CNTN1: variants seen among roughly 807,000 people sequenced by gnomAD.
CNTN1 encodes the protein contactin 1, also known as contactin-1.
In CNTN1, 38 loss-of-function variants were observed where a neutral mutation model predicts 126.4. That is an observed-to-expected ratio of 0.30 (90% CI 0.23 to 0.39). CNTN1 has a LOEUF of 0.39. Ranked by LOEUF, CNTN1 falls within the 10% of genes least tolerant of loss-of-function variation. CNTN1 has a pLI of 1.00. For synonymous variants in CNTN1, 413 were observed against 422.6 expected (o/e 0.98, Z 0.28); for missense variants, 1,009 against 1,248.4 (o/e 0.81, Z 2.89).
At chr12:41,007,723 T>G (rs1478663916) in intron 17 of CNTN1, among the ~76,000 whole-genome samples, 1 of 152,206 alleles carries the variant, frequency 6.6e-6, no homozygotes, top group Non-Finnish European at 1.5e-5. Flanking sequence ...ACTCTAATGT[T>G]AGCATGCAAA....
chr12:41,036,440 C>G (rs1354408863), intron 23 of CNTN1, among the ~76,000 whole-genome samples: 1 of 152,020 alleles, frequency 6.6e-6, no homozygotes, highest in East Asian at 1.9e-4. Context: ...CAAATGTGGA[C>G]TTTTTAGGAA....
intron 23 of CNTN1, among the ~76,000 whole-genome samples, chr12:41,055,995 C>T (rs895559070): frequency 4.6e-5 from 7 of 152,036 alleles, no homozygotes; most frequent in Admixed American, 2.0e-4. Context: ...TGATTCCTCC[C>T]GGCTTGGATT....
At chr12:40,794,409 C>G (rs17541461) in intron 1 of CNTN1, among the ~76,000 whole-genome samples, 1 of 151,036 alleles carries the variant, frequency 6.6e-6, no homozygotes, top group South Asian at 2.1e-4. Flanking sequence ...GTTTTATAGC[C>G]TGCCCCTTGA....
At chr12:41,025,034 A>G in intron 20 of CNTN1, 116 bp from the exon 21 acceptor site, 1 of 1,014,330 alleles carries the variant, frequency 9.9e-7, no homozygotes, top group Non-Finnish European at 1.5e-6. Flanking sequence ...ATTAAGAAAC[A>G]TTTGAAAATA....
chr12:40,961,961 T>TTTTTTTTTTTTTTTTTTTTTTTTTTTG (rs1566045196), intron 15 of CNTN1, among the ~76,000 whole-genome samples: 1 of 152,134 alleles, frequency 6.6e-6, no homozygotes, highest in African/African-American at 2.4e-5. Flanking sequence ...GGACTAATTT[T>TTTTTTTTTTTTTTTTTTTTTTTTTTTG]AATCCATATT....
chr12:40,980,040 ATAAC>A (rs1382861128), intron 15 of CNTN1, among the ~76,000 whole-genome samples: 4 of 152,296 alleles, frequency 2.6e-5, no homozygotes, highest in Admixed American at 1.3e-4. Flanking sequence ...TCTTATGACT[ATAAC>A]TAACATGAAA....
intron 1 of CNTN1, among the ~76,000 whole-genome samples, chr12:40,885,725 T>C (rs1384623064): frequency 6.6e-6 from 1 of 152,076 alleles, no homozygotes; most frequent in Admixed American, 6.6e-5. Flanking sequence ...ATTTTTCTTC[T>C]CTAATAAATT....
At chr12:40,950,517 A>C (rs1946635359) in intron 14 of CNTN1, among the ~76,000 whole-genome samples, 1 of 152,200 alleles carries the variant, frequency 6.6e-6, no homozygotes, top group African/African-American at 2.4e-5. Flanking sequence ...TAAAAAGTAT[A>C]CAGGCTCCTG....
At chr12:40,866,123 G>C (rs1943286229) in intron 1 of CNTN1, among the ~76,000 whole-genome samples, 2 of 151,658 alleles carry the variant, frequency 1.3e-5, no homozygotes, top group Non-Finnish European at 2.9e-5. Flanking sequence ...ATTGTTCATT[G>C]CAAGTATATA....
At chr12:40,931,392 T>C (rs1945877936) in intron 7 of CNTN1, among the ~76,000 whole-genome samples, 1 of 151,996 alleles carries the variant, frequency 6.6e-6, no homozygotes, top group South Asian at 2.1e-4. Flanking sequence ...TTCTTTCTTA[T>C]ATTTTTCTCT....
intron 17 of CNTN1, among the ~76,000 whole-genome samples, chr12:40,995,323 T>G (rs939698809): frequency 7.9e-5 from 12 of 152,096 alleles, no homozygotes; most frequent in African/African-American, 2.9e-4. Context: ...ACTCTGCCAT[T>G]CATTTAAAAT....
intron 4 of CNTN1, among the ~76,000 whole-genome samples, chr12:40,921,727 T>G (rs2136869220): frequency 6.6e-6 from 1 of 152,322 alleles, no homozygotes; most frequent in Admixed American, 6.5e-5. Flanking sequence ...CCAACTGACT[T>G]TTATCATTTT....
chr12:40,880,377 G>A (rs1943830185), intron 1 of CNTN1, among the ~76,000 whole-genome samples: 1 of 151,884 alleles, frequency 6.6e-6, no homozygotes, highest in African/African-American at 2.4e-5. Context: ...TTTCCTAAGT[G>A]GATGTAAATA....
chr12:40,868,413 T>C (rs1943372642), intron 1 of CNTN1, among the ~76,000 whole-genome samples: 1 of 152,126 alleles, frequency 6.6e-6, no homozygotes, highest in South Asian at 2.1e-4. Flanking sequence ...GAGATTCAGG[T>C]TGAGTCAGTA....
intron 23 of CNTN1, among the ~76,000 whole-genome samples, 164 bp downstream of exon 23, chr12:41,029,383 A>T (rs908251956): frequency 3.9e-5 from 6 of 152,180 alleles, no homozygotes; most frequent in African/African-American, 1.4e-4. Flanking sequence ...TCCTCTTATG[A>T]GTCACAAAAG....
chr12:40,949,390 A>AT (rs1946570398), intron 14 of CNTN1, among the ~76,000 whole-genome samples: 1 of 150,260 alleles, frequency 6.7e-6, no homozygotes, highest in Non-Finnish European at 1.5e-5. Flanking sequence ...GTCATCTAGC[A>AT]TTAGGTATAT....
rs1592358262 is a variant in CNTN1 at position 40,981,173 on chromosome 12, G to GCTTT, written c.1963+114_1963+117dup. ...AAAATGTCATTATCTACCTTGAAAG[G>GCTTT]CTTTCTTTCTTAAATTTTTTAAAAT... On this transcript the variant is annotated intron_variant, in intron 16 of 23. Coordinates refer to ENST00000551295, the MANE Select transcript of CNTN1 (RefSeq NM_001843.4). 3 of 1,083,808 alleles carry GCTTT rather than the reference G, an allele frequency of 2.8e-6. No individual in the cohort carries two copies. The East Asian group carries it at 7.3e-5, about 26-fold the overall frequency. The allele number at this position is 1,083,808 out of a possible 1,614,324, so 67.1% of individuals were successfully genotyped here.
intron 17 of CNTN1, among the ~76,000 whole-genome samples, chr12:41,005,647 A>T (rs1361106831): frequency 6.6e-6 from 1 of 151,568 alleles, no homozygotes; most frequent in East Asian, 1.9e-4. Context: ...TTCCTGTCTG[A>T]CTGTCTTATT....
In CNTN1 at chr12:41,030,720, T is replaced by C. The variant is rs147441459; in HGVS notation, c.2980+1501T>C. The stretch of plus-strand genomic sequence containing the variant: ...TGGTTAAATTTAAGACAAAGTGTTT[T>C]AGGTTGCTAAATTTCTTCAAAAACA... On this transcript the variant is annotated intron_variant, in intron 23 of 23. Coordinates refer to ENST00000551295, the MANE Select transcript of CNTN1 (RefSeq NM_001843.4). Among the ~76,000 whole-genome samples the C allele has an allele frequency of 3.3e-5, 5 of 152,316 alleles. No homozygotes were observed. The East Asian group carries it at 9.6e-4, about 29-fold the overall frequency.
Sources: gnomAD v4.1 joint callset for allele counts (sites outside exome capture counted in the v4.1 genomes callset) on GRCh38, gnomAD v4.1.1 for gene constraint, MANE v1.5 for transcripts, NCBI Gene and HGNC (gene_info 2026-07-23, HGNC 2026-07-21) for gene names.